Variants in KCNMA1 observed in about 807,000 individuals in gnomAD.
KCNMA1 encodes the protein potassium calcium-activated channel subfamily M alpha 1.
Under a neutral mutation model 140.0 loss-of-function variants are expected in KCNMA1, and 29 were observed. The observed-to-expected ratio is 0.21, with a 90% CI of 0.15 to 0.28. The LOEUF is 0.28. Ranked by LOEUF, KCNMA1 falls within the 10% of genes least tolerant of loss-of-function variation. KCNMA1 has a pLI of 1.00. For synonymous variants in KCNMA1, 612 were observed against 611.9 expected (o/e 1.00, Z 0.00); for missense variants, 880 against 1,602.2 (o/e 0.55, Z 7.70).
intron 2 of KCNMA1, among the ~76,000 whole-genome samples, chr10:77,359,384 G>A (rs752436732): frequency 3.3e-5 from 5 of 152,056 alleles, no homozygotes; most frequent in South Asian, 2.1e-4. Flanking sequence ...GGCATCTGTC[G>A]GGCTCAGTGA....
chr10:76,991,582 CTTCTAGCACATCACCAA>C (rs1400414604), intron 19 of KCNMA1, among the ~76,000 whole-genome samples: 1 of 152,178 alleles, frequency 6.6e-6, no homozygotes, highest in African/African-American at 2.4e-5. Flanking sequence ...GGCGATCTGG[CTTCTAGCACATCACCAA>C]TTCCTTTAAG....
chr10:77,080,710 G>A (rs1301241530), intron 12 of KCNMA1, among the ~76,000 whole-genome samples: 1 of 152,044 alleles, frequency 6.6e-6, no homozygotes, highest in South Asian at 2.1e-4. Context: ...CGTAGACATC[G>A]AAAGCGAGCC....
At chr10:77,047,362 A>G (rs912158578) in intron 14 of KCNMA1, among the ~76,000 whole-genome samples, 2 of 152,156 alleles carry the variant, frequency 1.3e-5, no homozygotes, top group Non-Finnish European at 2.9e-5. Flanking sequence ...AACCCACACG[A>G]GGTGTTCAGA....
intron 19 of KCNMA1, among the ~76,000 whole-genome samples, chr10:76,994,293 A>C (rs1409204342): frequency 6.6e-6 from 1 of 152,204 alleles, no homozygotes; most frequent in Admixed American, 6.5e-5. Context: ...AAATTAATTA[A>C]TATTTGTGGT....
intron 5 of KCNMA1, among the ~76,000 whole-genome samples, chr10:77,172,914 G>A (rs111684689): frequency 0.035 from 5,272 of 152,132 alleles, 118 homozygotes; most frequent in South Asian, 0.066. Flanking sequence ...TTCCCTGCAT[G>A]GTGGGAGGGA....
rs1555529241 is a variant in KCNMA1 at position 77,637,737 on chromosome 10, T to TGCTGCCGCC, written c.-104_-96dup. Reference sequence around the variant, plus strand: ...CCATCAACAGCCATATTGCTGCTACTGCTGCCGCCGCCGCCGCCGCCGCGG... The same window carrying TGCTGCCGCC: ...CCATCAACAGCCATATTGCTGCTACTGCTGCCGCCGCTGCCGCCGCCGCCGCCGCCGCGG... On this transcript the variant is annotated 5_prime_UTR_variant, in exon 1 of 28. Transcript: ENST00000286628. The TGCTGCCGCC allele has an allele frequency of 1.5e-6, 2 of 1,305,578 alleles. No homozygotes were observed. Among genetic ancestry groups the TGCTGCCGCC allele is most frequent in the Non-Finnish European group, 1.9e-6 (2 of 1,039,208 alleles). The allele number at this position is 1,305,578 out of a possible 1,614,324, so 80.9% of individuals were successfully genotyped here.
chr10:77,407,394 G>A (rs1181757047), intron 1 of KCNMA1, among the ~76,000 whole-genome samples: 2 of 152,218 alleles, frequency 1.3e-5, no homozygotes, highest in East Asian at 3.8e-4. Flanking sequence ...GCCTTGCTGG[G>A]AACATGCAGG....
intron 2 of KCNMA1, among the ~76,000 whole-genome samples, chr10:77,299,157 G>A (rs1264204484): frequency 2.0e-5 from 3 of 152,142 alleles, no homozygotes; most frequent in Non-Finnish European, 4.4e-5. Flanking sequence ...TTTGGCATGT[G>A]ATAAAGATGG....
At chr10:77,136,478 A>G (rs570202405) in intron 5 of KCNMA1, among the ~76,000 whole-genome samples, 9 of 152,304 alleles carry the variant, frequency 5.9e-5, no homozygotes, top group African/African-American at 2.2e-4. Context: ...CTGTTTTGCA[A>G]CAATAGGATA....
chr10:77,368,187 C>A (rs1026043843), intron 2 of KCNMA1, among the ~76,000 whole-genome samples: 1 of 152,176 alleles, frequency 6.6e-6, no homozygotes, highest in African/African-American at 2.4e-5. Context: ...CAGTTGCCCC[C>A]CATCCTCATC....
chr10:77,506,588 A>AGTGTGTGTGTGT (rs1203335926), intron 1 of KCNMA1, among the ~76,000 whole-genome samples: 1 of 95,578 alleles, frequency 1.0e-5, no homozygotes, highest in African/African-American at 5.9e-5. Context: ...AGAGAGAGAG[A>AGTGTGTGTGTGT]GAGAGAGAGT....
intron 2 of KCNMA1, among the ~76,000 whole-genome samples, chr10:77,349,881 A>G (rs287175): frequency 0.84 from 126,910 of 151,944 alleles, 53,140 homozygotes; most frequent in Middle Eastern, 0.9. Flanking sequence ...ATGTAGATCT[A>G]TTTATATGCC....
At chr10:77,248,094 A>C (rs1025954022) in intron 3 of KCNMA1, among the ~76,000 whole-genome samples, 5 of 152,152 alleles carry the variant, frequency 3.3e-5, no homozygotes, top group Non-Finnish European at 5.9e-5. Flanking sequence ...GGATAGTAAA[A>C]AGAGCTTTAA....
intron 20 of KCNMA1, among the ~76,000 whole-genome samples, chr10:76,964,874 T>A (rs543472159): frequency 6.6e-6 from 1 of 152,328 alleles, no homozygotes; most frequent in South Asian, 2.1e-4. Context: ...AGGAAACTAA[T>A]GTCTAATATT....
chr10:77,057,827 GT>G (rs2095596915), intron 14 of KCNMA1, among the ~76,000 whole-genome samples: 2 of 151,622 alleles, frequency 1.3e-5, no homozygotes, highest in Non-Finnish European at 2.9e-5. Flanking sequence ...AGAGTTCAAA[GT>G]TTTTGAAAAA....
intron 2 of KCNMA1, among the ~76,000 whole-genome samples, chr10:77,287,455 C>G (rs903890659): frequency 2.0e-5 from 3 of 152,204 alleles, no homozygotes; most frequent in African/African-American, 7.2e-5. Context: ...AAGAGACTGT[C>G]TAGTCCAGAA....
intron 25 of KCNMA1, among the ~76,000 whole-genome samples, chr10:76,896,356 T>A (rs1467783449): frequency 6.6e-6 from 1 of 152,182 alleles, no homozygotes; most frequent in Non-Finnish European, 1.5e-5. Context: ...GACTTTAAGG[T>A]TATCTCCCTT....
At chr10:77,633,628 A>G (rs1379604151) in intron 1 of KCNMA1, among the ~76,000 whole-genome samples, 1 of 152,184 alleles carries the variant, frequency 6.6e-6, no homozygotes, top group Non-Finnish European at 1.5e-5. Flanking sequence ...TCTGATATTT[A>G]TATTAGTCAC....
chr10:76,950,333 G>C (rs1339315719), intron 21 of KCNMA1, among the ~76,000 whole-genome samples: 4 of 152,318 alleles, frequency 2.6e-5, no homozygotes, highest in African/African-American at 9.6e-5. Flanking sequence ...CAAGGGGCTA[G>C]AGAGAGATTA....
Sources: gnomAD v4.1 joint callset for allele counts (sites outside exome capture counted in the v4.1 genomes callset) on GRCh38, gnomAD v4.1.1 for gene constraint, MANE v1.5 for transcripts, NCBI Gene and HGNC (gene_info 2026-07-23, HGNC 2026-07-21) for gene names.